Variants in TEX9 observed in about 807,000 individuals in gnomAD.
TEX9 encodes the protein testis expressed 9.
In TEX9, 74 loss-of-function variants were observed where a neutral mutation model predicts 59.6. That is an observed-to-expected ratio of 1.24 (90% confidence interval 1.03 to 1.51). The LOEUF is 1.51. TEX9 is among the 40% of genes most tolerant of loss of function. TEX9 has a pLI of 0.00. For synonymous variants in TEX9, 186 were observed against 152.2 expected, an observed-to-expected ratio of 1.22 and a Z score of -1.64; for missense variants, 522 against 447.8, an observed-to-expected ratio of 1.17 and a Z score of -1.49.
At chr15:56,357,700 A>G (rs1449097742) in intron 1 of TEX9, among the ~76,000 whole-genome samples, 2 of 152,016 alleles carry the variant, frequency 1.3e-5, no homozygotes, top group Non-Finnish European at 2.9e-5. Flanking sequence ...TCCATTGAGT[A>G]TTTTCATTTC....
exon 12 of TEX9, chr15:56,428,387 G>T (rs749452417): frequency 1.9e-6 from 3 of 1,611,852 alleles, no homozygotes; most frequent in Non-Finnish European, 1.7e-6. Context: ...AAGCTGCCAA[G>T]ATGCTATCTT....
chr15:56,254,138 G>A (rs2141310954), intron 1 of TEX9, among the ~76,000 whole-genome samples: 1 of 152,216 alleles, frequency 6.6e-6, no homozygotes, highest in African/African-American at 2.4e-5. Flanking sequence ...ATTAAAGGGG[G>A]TGAGGTTAAT....
chr15:56,268,085 A>G (rs1277977770), intron 1 of TEX9, among the ~76,000 whole-genome samples: 1 of 152,138 alleles, frequency 6.6e-6, no homozygotes, highest in African/African-American at 2.4e-5. Flanking sequence ...TCTTTGTAGC[A>G]ATTGTGAATG....
chr15:56,316,505 G>C (rs2465408), intron 1 of TEX9, among the ~76,000 whole-genome samples: 66,581 of 148,450 alleles, frequency 0.45, 16,034 homozygotes, highest in Non-Finnish European at 0.55. Context: ...CAGTCTGCCC[G>C]TTCTCAGATC....
chr15:56,302,617 AAAAAGAAAGGAAG>A (rs2045389638), intron 1 of TEX9, among the ~76,000 whole-genome samples: 1 of 152,196 alleles, frequency 6.6e-6, no homozygotes, highest in Non-Finnish European at 1.5e-5. Flanking sequence ...TCACCTTCAC[AAAAAGAAAGGAAG>A]AAAAGAAGGA....
chr15:56,427,814 T>C (rs1274968525), intron 11 of TEX9, 75 bp downstream of exon 11: 3 of 1,212,504 alleles, frequency 2.5e-6, no homozygotes, highest in Non-Finnish European at 3.3e-6. Flanking sequence ...TTTTTCACTT[T>C]AGGTATGTTT....
intron 1 of TEX9, among the ~76,000 whole-genome samples, chr15:56,302,320 T>TACAAACACAC (rs2045378222): frequency 7.4e-6 from 1 of 135,706 alleles, no homozygotes; most frequent in Non-Finnish European, 1.6e-5. Context: ...AGACACTGTT[T>TACAAACACAC]ACACACACAC....
In TEX9 at chr15:56,393,102, G is replaced by A. The variant is rs1295911851; in HGVS notation, c.572-1063G>A. On this transcript the variant is annotated intron_variant, in intron 7 of 12. Coordinates refer to ENST00000352903, the Ensembl canonical transcript of TEX9. ...GGAGCACTCTGCTCCTTGAGTTAGA[G>A]TTGAGGTAGAGTTACTAAGGTTAGA... Among the ~76,000 whole-genome samples the A allele has an allele frequency of 3.9e-5, 6 of 152,184 alleles. No individual in the cohort carries two copies. In the South Asian group the frequency reaches 8.3e-4, roughly 21 times the overall value.
chr15:56,381,412 T>A (rs2142136060), intron 3 of TEX9, among the ~76,000 whole-genome samples: 1 of 152,356 alleles, frequency 6.6e-6, no homozygotes, highest in Middle Eastern at 3.4e-3. Context: ...GTGTCTTATT[T>A]AGCTCATTTG....
chr15:56,313,477 C>G (rs1228013295), intron 1 of TEX9, among the ~76,000 whole-genome samples: 1 of 146,340 alleles, frequency 6.8e-6, no homozygotes, highest in African/African-American at 2.5e-5. Context: ...ATTGAACCAG[C>G]CTTGCATCCC....
intron 1 of TEX9, among the ~76,000 whole-genome samples, chr15:56,269,799 G>A (rs180793725): frequency 6.8e-4 from 103 of 151,870 alleles, no homozygotes; most frequent in African/African-American, 1.1e-3. Flanking sequence ...GACTACAGGC[G>A]TGCACCACCT....
chr15:56,393,999 C>CT (rs2048335166), intron 7 of TEX9, 166 bp from the exon 8 acceptor site: 1 of 492,918 alleles, frequency 2.0e-6, no homozygotes, highest in Middle Eastern at 5.7e-4. Context: ...TCGTCATTGA[C>CT]CTTTTCATTA....
At chr15:56,328,726 T>C (rs2046079174) in intron 1 of TEX9, among the ~76,000 whole-genome samples, 1 of 151,996 alleles carries the variant, frequency 6.6e-6, no homozygotes, top group Admixed American at 6.5e-5. Context: ...AAGTGGGAAG[T>C]ACTGGGTCTC....
intron 2 of TEX9, 161 bp downstream of exon 2, chr15:56,365,831 T>G: frequency 2.1e-6 from 3 of 1,441,946 alleles, no homozygotes; most frequent in South Asian, 3.0e-5. Flanking sequence ...TTTCTTTGTC[T>G]TTGATCTGAG....
At chr15:56,283,840 T>C (rs148634977) in intron 1 of TEX9, among the ~76,000 whole-genome samples, 7 of 152,288 alleles carry the variant, frequency 4.6e-5, no homozygotes, top group Admixed American at 2.0e-4. Context: ...AACGCTGATA[T>C]AAATTTGTTG....
At chr15:56,262,769 A>G (rs1335636792) in intron 1 of TEX9, among the ~76,000 whole-genome samples, 1 of 152,196 alleles carries the variant, frequency 6.6e-6, no homozygotes, top group Non-Finnish European at 1.5e-5. Context: ...TGCTTATATT[A>G]CTTGATACTA....
At chr15:56,247,232 G>C (rs899447476) in intron 1 of TEX9, among the ~76,000 whole-genome samples, 20 of 152,168 alleles carry the variant, frequency 1.3e-4, no homozygotes, top group African/African-American at 4.8e-4. Flanking sequence ...ATATATAGCA[G>C]TATTGGGCAC....
chr15:56,389,243 A>G (rs555130673), intron 5 of TEX9, 75 bp from the exon 6 acceptor site: 53 of 1,139,358 alleles, frequency 4.7e-5, no homozygotes, highest in East Asian at 1.7e-4. Context: ...GCAAAATTCT[A>G]TGTGTTACAG....
chr15:56,275,071 T>G (rs2044637336), intron 1 of TEX9, among the ~76,000 whole-genome samples: 1 of 152,196 alleles, frequency 6.6e-6, no homozygotes, highest in African/African-American at 2.4e-5. Context: ...GCCTCATTCT[T>G]CAGTAGATCC....
Sources: allele counts gnomAD v4.1 joint callset (sites outside exome capture counted in the v4.1 genomes callset), GRCh38; gene constraint gnomAD v4.1.1; transcripts MANE v1.5; gene names NCBI Gene and HGNC (gene_info 2026-07-23, HGNC 2026-07-21).